Variants in VGLL3 observed in about 807,000 individuals in gnomAD.
The protein encoded by VGLL3 is transcription cofactor vestigial-like protein 3.
In VGLL3, 18 loss-of-function variants were observed where a neutral mutation model predicts 29.2. That is an observed-to-expected ratio of 0.62 (90% CI 0.43 to 0.91). The LOEUF (loss-of-function observed/expected upper bound fraction) is 0.91. VGLL3 is among the 40% of genes least tolerant of loss of function. The pLI is 0.00. For missense variants in VGLL3, 440 were observed against 413.2 expected, an observed-to-expected ratio of 1.06 and a Z score of -0.56; for synonymous variants, 180 against 151.8, an observed-to-expected ratio of 1.19 and a Z score of -1.36.
intron 2 of VGLL3, among the ~76,000 whole-genome samples, chr3:86,971,598 G>A (rs983032996): frequency 7.9e-5 from 12 of 152,100 alleles, no homozygotes; most frequent in African/African-American, 2.9e-4. Flanking sequence ...CCTATAATCA[G>A]CCTTACTGAC....
At chr3:86,981,815 A>G (rs893983489) in intron 1 of VGLL3, among the ~76,000 whole-genome samples, 1 of 152,116 alleles carries the variant, frequency 6.6e-6, no homozygotes, top group African/African-American at 2.4e-5. Flanking sequence ...ATTATAATGA[A>G]CCAATTTAAA....
intron 3 of VGLL3, among the ~76,000 whole-genome samples, chr3:86,950,706 A>G (rs191614806): frequency 3.3e-4 from 51 of 152,338 alleles, no homozygotes; most frequent in Admixed American, 6.5e-4. Context: ...AAATGATGGC[A>G]TAGTAGTAGG....
chr3:86,947,927 C>T lies in VGLL3; in HGVS notation c.938-860G>A, dbSNP rs573862382. Among the ~76,000 whole-genome samples, 47 of 151,612 alleles carry T rather than the reference C, an allele frequency of 3.1e-4. No homozygotes were observed. The South Asian group carries it at 4.0e-3, about 13-fold the overall frequency. ...ATTCACATAGCACCTTCAATTTGCA[C>T]GTACTCGAAGTTACTTTTATTTTGT... is the stretch of plus-strand genomic sequence containing the variant. On this transcript the variant is annotated intron_variant, in intron 3 of 3. Coordinates refer to ENST00000398399, the MANE Select transcript of VGLL3 (RefSeq NM_016206.4).
At chr3:86,982,533 A>G (rs1207691320) in intron 1 of VGLL3, among the ~76,000 whole-genome samples, 1 of 151,960 alleles carries the variant, frequency 6.6e-6, no homozygotes, top group Non-Finnish European at 1.5e-5. Flanking sequence ...TCCTTCAGTG[A>G]AATTTTCCTG....
rs1300172850 is a variant in VGLL3 at position 86,978,754 on chromosome 3, G to T, written c.175C>A (p.Leu59Ile). ...SKMQDSLEVT[L>I]PSKQEEEDEE... ...TCCTCCTCCTCTTGTTTGCTGGGAAGGGTGACTTCCAGAGAGTCCTGCATC... is the reference window on the plus strand; with the variant it reads ...TCCTCCTCCTCTTGTTTGCTGGGAATGGTGACTTCCAGAGAGTCCTGCATC... The change falls in exon 2 of 4, where the codon CTT (leucine) becomes ATT (isoleucine). Residue 59 changes from leucine to isoleucine, a missense_variant. Physicochemically the swap from Leu to Ile is conservative, Grantham distance 5. Coordinates refer to ENST00000398399, the MANE Select transcript of VGLL3 (RefSeq NM_016206.4). 1.9e-6 allele frequency: 3 copies of T among 1,613,622 alleles called. No homozygotes were observed. Among genetic ancestry groups the T allele is most frequent in the African/African-American group, 1.3e-5 (1 of 74,906 alleles).
intron 1 of VGLL3, among the ~76,000 whole-genome samples, chr3:86,989,749 T>C (rs1423162511): frequency 6.6e-6 from 1 of 152,100 alleles, no homozygotes; most frequent in Non-Finnish European, 1.5e-5. Context: ...GCCACATACA[T>C]TTTTTATTTT....
chr3:86,951,932 G>C (rs1182608722), intron 3 of VGLL3, among the ~76,000 whole-genome samples: 1 of 152,114 alleles, frequency 6.6e-6, no homozygotes, highest in African/African-American at 2.4e-5. Context: ...TGTTGAGTAG[G>C]CCATTATTAG....
In VGLL3 at chr3:86,938,250, A is replaced by G. The variant is rs1704318153; in HGVS notation, c.*8774T>C. On this transcript the variant is annotated 3_prime_UTR_variant, in exon 4 of 4. Transcript: ENST00000398399. The stretch of plus-strand genomic sequence containing the variant: ...CATTATCACAATCAAATTAATTAAT[A>G]CAACCATAACTAGAAGTATTTTTTG... 6.6e-6 allele frequency: 1 copy of G among 152,244 alleles called. No homozygotes were observed. The highest frequency in any genetic ancestry group is 1.5e-5 in the Non-Finnish European group (1 of 68,026). 9.4% of individuals were successfully genotyped at this position (152,244 alleles called of 1,614,324 possible).
chr3:86,990,830 T>C lies in VGLL3; in HGVS notation c.-87A>G. 8.4e-7 allele frequency: 1 copy of C among 1,187,390 alleles called. No individual in the cohort carries two copies. 73.6% of individuals were successfully genotyped at this position (1,187,390 alleles called of 1,614,324 possible). On this transcript the variant is annotated 5_prime_UTR_variant, in exon 1 of 4. Transcript: ENST00000398399. ...GCGCGGGCGCCGCCGCCGCCGCAGC[T>C]GCCGCCTCTGTCGCTGCTCCAGCTG...
intron 3 of VGLL3, among the ~76,000 whole-genome samples, chr3:86,953,686 C>T (rs1704659388): frequency 6.6e-6 from 1 of 152,002 alleles, no homozygotes; most frequent in Admixed American, 6.6e-5. Flanking sequence ...TGGATATTGT[C>T]CGATTATGGC....
chr3:86,988,640 CAAAAA>C (rs869098443), intron 1 of VGLL3, among the ~76,000 whole-genome samples: 9 of 13,764 alleles, frequency 6.5e-4, no homozygotes, highest in Non-Finnish European at 2.0e-3. Flanking sequence ...TTTACTTGAC[CAAAAA>C]AAAAAAAAAA....
intron 3 of VGLL3, among the ~76,000 whole-genome samples, chr3:86,948,920 T>A (rs765476802): frequency 1.2e-4 from 18 of 152,210 alleles, no homozygotes; most frequent in Non-Finnish European, 2.5e-4. Flanking sequence ...CCTGACATAG[T>A]CTCTGTTGGG....
chr3:86,947,339 T>G (rs1704529156), intron 3 of VGLL3, among the ~76,000 whole-genome samples: 1 of 152,182 alleles, frequency 6.6e-6, no homozygotes, highest in South Asian at 2.1e-4. Context: ...TTTATTTGCT[T>G]GGAGTATGAG....
intron 3 of VGLL3, among the ~76,000 whole-genome samples, chr3:86,964,760 CA>C (rs1296496980): frequency 6.6e-6 from 1 of 152,138 alleles, no homozygotes; most frequent in Non-Finnish European, 1.5e-5. Context: ...TCCCAGCCTT[CA>C]AAACTATGAC....
intron 2 of VGLL3, among the ~76,000 whole-genome samples, chr3:86,970,546 AC>A (rs1448764553): frequency 6.6e-6 from 1 of 151,674 alleles, no homozygotes; most frequent in Admixed American, 6.6e-5. Context: ...CATTTGAAAG[AC>A]AAAAAGAGTT....
At chr3:86,980,879 G>T (rs906944601) in intron 1 of VGLL3, among the ~76,000 whole-genome samples, 1 of 151,462 alleles carries the variant, frequency 6.6e-6, no homozygotes, top group Non-Finnish European at 1.5e-5. Flanking sequence ...TCTACATGGT[G>T]GCATCATTGT....
intron 3 of VGLL3, chr3:86,962,873 C>T (rs1704883377): frequency 6.1e-6 from 1 of 164,282 alleles, no homozygotes; most frequent in Admixed American, 6.5e-5. Context: ...GGGAAGCCAG[C>T]CTTCACTATT....
At chr3:86,967,545 G>A (rs1398550798) in intron 3 of VGLL3, among the ~76,000 whole-genome samples, 3 of 152,286 alleles carry the variant, frequency 2.0e-5, no homozygotes, top group South Asian at 2.1e-4. Flanking sequence ...AAATAAAGCT[G>A]AGCATTTATG....
chr3:86,949,115 C>A (rs1018577970), intron 3 of VGLL3, among the ~76,000 whole-genome samples: 1 of 152,140 alleles, frequency 6.6e-6, no homozygotes, highest in African/African-American at 2.4e-5. Flanking sequence ...GTTTGCCTGT[C>A]TTATTCTTGC....
Sources: gnomAD v4.1 joint callset for allele counts (sites outside exome capture counted in the v4.1 genomes callset) on GRCh38, gnomAD v4.1.1 for gene constraint, MANE v1.5 for transcripts, NCBI Gene and HGNC (gene_info 2026-07-23, HGNC 2026-07-21) for gene names.